The following HTR2C variants were observed in gnomAD, a reference collection of about 807,000 sequenced individuals.
HTR2C encodes 5-hydroxytryptamine receptor 2C.
In HTR2C, 5 loss-of-function variants were observed where a neutral mutation model predicts 21.0. That is an observed-to-expected ratio of 0.24 (90% CI 0.12 to 0.50). The LOEUF is 0.50. HTR2C is among the 20% of genes least tolerant of loss of function. The pLI is 0.98. For synonymous variants in HTR2C, 150 were observed against 145.3 expected (o/e 1.03, Z -0.23); for missense variants, 271 against 371.2 (o/e 0.73, Z 2.22).
At chrX:114,802,714 C>CTTTCTTTCT (rs1556447278) in intron 4 of HTR2C, among the ~76,000 whole-genome samples, 2 of 98,953 alleles carry the variant, frequency 2.0e-5, no homozygotes, top group Non-Finnish European at 4.1e-5. Context: ...TTCTTTCTTT[C>CTTTCTTTCT]TTTCTTTCTT....
At chrX:114,828,818 T>A (rs968244371) in intron 4 of HTR2C, among the ~76,000 whole-genome samples, 2 of 112,219 alleles carry the variant, frequency 1.8e-5, no homozygotes, top group African/African-American at 6.5e-5. Flanking sequence ...ATAAATAAAG[T>A]CATACAATAT....
intron 4 of HTR2C, among the ~76,000 whole-genome samples, chrX:114,765,010 C>CTCTT (rs782690284): frequency 9.7e-6 from 1 of 103,563 alleles, no homozygotes; most frequent in East Asian, 3.0e-4. Flanking sequence ...CCTTCTCTCT[C>CTCTT]TCTTTCTTTC....
chrX:114,602,926 G>A (rs1484931001), intron 1 of HTR2C, among the ~76,000 whole-genome samples: 1 of 106,075 alleles, frequency 9.4e-6, no homozygotes, highest in Non-Finnish European at 1.9e-5. Flanking sequence ...ATTTCCTTGA[G>A]GATAGATTTC....
intron 2 of HTR2C, among the ~76,000 whole-genome samples, chrX:114,725,199 G>A (rs1393653905): frequency 9.0e-6 from 1 of 111,176 alleles, no homozygotes; most frequent in Non-Finnish European, 1.9e-5. Context: ...ATATTTCTTG[G>A]AGGCTTTGTT....
In HTR2C at chrX:114,907,508, T is replaced by C. The variant is rs1490034369; in HGVS notation, c.*93T>C. The C allele has an allele frequency of 4.7e-6, 3 of 643,901 alleles. No homozygotes were observed. The East Asian group carries it at 9.9e-5, about 21-fold the overall frequency. 53.1% of individuals were successfully genotyped at this position (643,901 alleles called of 1,213,427 possible). A position where few individuals can be genotyped will look rare whatever the true frequency, so the allele number is the denominator to read the frequency against. On this transcript the variant is annotated 3_prime_UTR_variant, in exon 6 of 6. Coordinates refer to ENST00000276198, the MANE Select transcript of HTR2C (RefSeq NM_000868.4). ...TTCTGTTGGTCTTAACTAATGTAAA[T>C]ATTGCTGTCTGAAAAAGTGTTTTTA... is the stretch of plus-strand genomic sequence containing the variant.
chrX:114,631,767 A>G (rs920512363), intron 2 of HTR2C, among the ~76,000 whole-genome samples: 2 of 111,358 alleles, frequency 1.8e-5, no homozygotes, highest in Non-Finnish European at 3.8e-5. Context: ...GTTCTTTCTT[A>G]TAAGTTAGAA....
At chrX:114,788,568 G>T (rs1249107873) in intron 4 of HTR2C, among the ~76,000 whole-genome samples, 2 of 110,884 alleles carry the variant, frequency 1.8e-5, no homozygotes, top group Non-Finnish European at 3.8e-5. Context: ...GGCCCCATGA[G>T]TATGGATTCT....
chrX:114,700,642 G>C (rs782004185), intron 2 of HTR2C, among the ~76,000 whole-genome samples: 3 of 112,691 alleles, frequency 2.7e-5, no homozygotes, highest in East Asian at 5.6e-4. Context: ...GCAGAAGACA[G>C]GTGATTTCCT....
At chrX:114,873,985 G>A (rs374611174) in intron 5 of HTR2C, among the ~76,000 whole-genome samples, 5 of 108,246 alleles carry the variant, frequency 4.6e-5, no homozygotes, top group East Asian at 5.9e-4. Context: ...CTCTGCTCCC[G>A]TGAGTTACAC....
intron 2 of HTR2C, among the ~76,000 whole-genome samples, chrX:114,622,957 G>T (rs906502949): frequency 4.5e-5 from 5 of 111,811 alleles, no homozygotes; most frequent in Admixed American, 3.8e-4. Context: ...AGGCAGTAAG[G>T]TTTTATTAAT....
intron 2 of HTR2C, among the ~76,000 whole-genome samples, chrX:114,633,734 A>T (rs1281184495): frequency 9.1e-6 from 1 of 110,260 alleles, no homozygotes; most frequent in Non-Finnish European, 1.9e-5. Context: ...CAATGTAAAG[A>T]TGTGTTTTAT....
chrX:114,611,690 G>C (rs987338216), intron 1 of HTR2C, among the ~76,000 whole-genome samples: 1 of 110,608 alleles, frequency 9.0e-6, no homozygotes, highest in African/African-American at 3.3e-5. Context: ...CAAAGTTGTG[G>C]TTTTTTTTAG....
At chrX:114,815,004 A>G (rs1335770833) in intron 4 of HTR2C, among the ~76,000 whole-genome samples, 2 of 103,912 alleles carry the variant, frequency 1.9e-5, no homozygotes, top group African/African-American at 6.9e-5. Flanking sequence ...ATATATACAT[A>G]TAATACTTTA....
intron 2 of HTR2C, among the ~76,000 whole-genome samples, chrX:114,632,770 T>C (rs1233875080): frequency 1.8e-5 from 2 of 110,868 alleles, no homozygotes; most frequent in African/African-American, 6.5e-5. Flanking sequence ...TTCCAGAGAC[T>C]GGCCTCCTTA....
chrX:114,682,512 A>G (rs190717089), intron 2 of HTR2C, among the ~76,000 whole-genome samples: 12 of 111,381 alleles, frequency 1.1e-4, no homozygotes, highest in African/African-American at 3.9e-4. Context: ...TCTTTTTAGG[A>G]TTTCAAAGTT....
chrX:114,675,771 T>C (rs1931531536), intron 2 of HTR2C, among the ~76,000 whole-genome samples: 1 of 112,031 alleles, frequency 8.9e-6, no homozygotes, highest in Admixed American at 9.5e-5. Context: ...CTTGTTTCAT[T>C]AAACAAAAAT....
chrX:114,776,280 C>T, intron 4 of HTR2C: 1 of 591,028 alleles, frequency 1.7e-6, no homozygotes, highest in South Asian at 2.2e-5. Flanking sequence ...ACATTGAGAC[C>T]AGCAATAGTT....
At position 114,839,687 on chromosome X, in the gene HTR2C, AAAAACAAAACAAAAC is replaced by A. The variant is rs368109180; in HGVS notation, c.350-8291_350-8277del. Among the ~76,000 whole-genome samples, 265 of 108,823 alleles carry A rather than the reference AAAAACAAAACAAAAC, an allele frequency of 2.4e-3. 1 individual carries two copies. The highest frequency in any genetic ancestry group is 8.8e-3 in the African/African-American group (253 of 28,776). The allele number at this position is 108,823 out of a possible 115,157, so 94.5% of individuals were successfully genotyped here. On this transcript the variant is annotated intron_variant, in intron 4 of 5. Transcript: ENST00000276198. ...GGGTGACAGAGCCAGATCCTGTCTC[AAAAACAAAACAAAAC>A]AAAACAAAACAAAACAAAACAAAAA...
intron 5 of HTR2C, among the ~76,000 whole-genome samples, chrX:114,897,928 G>A (rs1339126728): frequency 8.9e-6 from 1 of 112,213 alleles, no homozygotes; most frequent in Non-Finnish European, 1.9e-5. Context: ...ACCCAGTAAT[G>A]GGATTGCTGT....
Sources: gnomAD v4.1 joint callset for allele counts (sites outside exome capture counted in the v4.1 genomes callset) on GRCh38, gnomAD v4.1.1 for gene constraint, MANE v1.5 for transcripts, NCBI Gene and HGNC (gene_info 2026-07-23, HGNC 2026-07-21) for gene names.